The following HIGD1C variants were observed in gnomAD, a reference collection of about 807,000 sequenced individuals.
HIGD1C encodes the protein HIG1 hypoxia inducible domain family member 1C.
Under a neutral mutation model 13.1 loss-of-function variants are expected in HIGD1C, and 11 were observed. The observed-to-expected ratio is 0.84, with a 90% CI of 0.53 to 1.39. HIGD1C has a LOEUF of 1.39. Ranked by LOEUF, HIGD1C falls within the 40% of genes most tolerant of loss-of-function variation. HIGD1C has a pLI of 0.00. For synonymous variants in HIGD1C, 36 were observed against 37.7 expected (o/e 0.95, Z 0.17); for missense variants, 110 against 112.0 (o/e 0.98, Z 0.08).
chr12:50,948,075 C>T, the HIGD1C span, among the ~76,000 whole-genome samples: 1 of 152,210 alleles, frequency 6.6e-6, no homozygotes, highest in African/African-American at 2.4e-5. Flanking sequence ...GAAAATTAGG[C>T]TGCATTTTAT....
Position 50,954,485 on chromosome 12 carries a change from G to C in HIGD1C, c.94+393G>C, listed in dbSNP as rs184310980. ...TGAGATGCATATGTCTCTTTGTCTT[G>C]TAAGTAATCTAAACTTTAAGTTCTT... On this transcript the variant is annotated intron_variant, in intron 1 of 2. Coordinates refer to ENST00000398455, the Ensembl canonical transcript of HIGD1C. 872 of 156,478 alleles carry C rather than the reference G, an allele frequency of 5.6e-3. 6 individuals are homozygous for C. The highest frequency in any genetic ancestry group is 9.9e-3 in the Non-Finnish European group (702 of 71,016). 9.7% of individuals were successfully genotyped at this position (156,478 alleles called of 1,614,324 possible).
the HIGD1C span, among the ~76,000 whole-genome samples, chr12:50,944,765 C>A: frequency 6.6e-6 from 1 of 152,026 alleles, no homozygotes; most frequent in South Asian, 2.1e-4. Flanking sequence ...CGCACACCTG[C>A]AGTCCCAGCT....
chr12:50,947,375 G>T, the HIGD1C span, among the ~76,000 whole-genome samples: 579 of 152,232 alleles, frequency 3.8e-3, 7 homozygotes, highest in African/African-American at 0.013. Context: ...TGGAGGCTCT[G>T]GGGGAGAATC....
At chr12:50,940,247 T>C in the HIGD1C span, among the ~76,000 whole-genome samples, 1 of 152,186 alleles carries the variant, frequency 6.6e-6, no homozygotes, top group Admixed American at 6.5e-5. Context: ...TTGGCTCCCA[T>C]CTTATCTGTC....
At chr12:50,965,996 C>T (rs935296024) in intron 2 of HIGD1C, among the ~76,000 whole-genome samples, 6 of 152,198 alleles carry the variant, frequency 3.9e-5, no homozygotes, top group Non-Finnish European at 5.9e-5. Flanking sequence ...AGCTTTTCTG[C>T]TTCTGCCCAT....
intron 2 of HIGD1C, among the ~76,000 whole-genome samples, chr12:50,962,558 G>T (rs113556802): frequency 1.3e-5 from 2 of 151,962 alleles, no homozygotes; most frequent in African/African-American, 2.4e-5. Context: ...AAATTAGCCA[G>T]GTGTGGCATG....
chr12:50,968,827 C>A (rs1358551052), intron 2 of HIGD1C, among the ~76,000 whole-genome samples: 1 of 151,852 alleles, frequency 6.6e-6, no homozygotes, highest in Admixed American at 6.6e-5. Flanking sequence ...CAGGCATGAG[C>A]CACCACGCCT....
chr12:50,951,587 G>T (rs61577980), upstream of HIGD1C, among the ~76,000 whole-genome samples: 22 of 151,850 alleles, frequency 1.4e-4, no homozygotes, highest in Non-Finnish European at 8.8e-5. Context: ...CGGGAACACA[G>T]GATTAGATTG....
chr12:50,950,904 T>G (rs553039744), upstream of HIGD1C, among the ~76,000 whole-genome samples: 3 of 152,110 alleles, frequency 2.0e-5, no homozygotes, highest in Non-Finnish European at 4.4e-5. Flanking sequence ...GGTCTTGAAC[T>G]CTTGACTTCA....
chr12:50,941,740 C>T, the HIGD1C span, among the ~76,000 whole-genome samples: 1 of 152,188 alleles, frequency 6.6e-6, no homozygotes, highest in Non-Finnish European at 1.5e-5. Context: ...CCCACTAAAC[C>T]TGATCCTTAA....
rs1565963001 is a variant in HIGD1C at position 50,968,392 on chromosome 12, TG to T, written c.230-2049del. ...TCCAGTTACACTGATTCTTTTTTTGTGTGTGTGTGGGGGGAGACAGGGTCTT... is the reference window on the plus strand; with the variant it reads ...TCCAGTTACACTGATTCTTTTTTTGTTGTGTGTGGGGGGAGACAGGGTCTT... On this transcript the variant is annotated intron_variant, in intron 2 of 2. Transcript: ENST00000398455. Among the ~76,000 whole-genome samples, 8 of 150,818 alleles carry T rather than the reference TG, an allele frequency of 5.3e-5. 1 individual carries two copies. Among genetic ancestry groups the T allele is most frequent in the Admixed American group, 6.6e-5 (1 of 15,156 alleles).
At chr12:50,951,568 G>A (rs1442588673), upstream of HIGD1C, among the ~76,000 whole-genome samples, 1 of 152,040 alleles carries the variant, frequency 6.6e-6, no homozygotes, top group Non-Finnish European at 1.5e-5. Flanking sequence ...CATGAGTTGG[G>A]GGAGGGGACG....
the HIGD1C span, among the ~76,000 whole-genome samples, chr12:50,935,689 G>A: frequency 5.9e-5 from 9 of 151,930 alleles, no homozygotes; most frequent in African/African-American, 1.7e-4. Context: ...GGGTCTCACC[G>A]TGTTGCCCAG....
the HIGD1C span, among the ~76,000 whole-genome samples, chr12:50,934,704 A>G: frequency 6.6e-6 from 1 of 152,242 alleles, no homozygotes; most frequent in Non-Finnish European, 1.5e-5. Flanking sequence ...AGAATATTTC[A>G]GTCAACTAGA....
chr12:50,962,874 CAA>C (rs1308982912), intron 2 of HIGD1C, among the ~76,000 whole-genome samples: 1 of 152,066 alleles, frequency 6.6e-6, no homozygotes, highest in Non-Finnish European at 1.5e-5. Flanking sequence ...GAGGAAAAAA[CAA>C]AGGCACAGAA....
chr12:50,960,999 T>C (rs1418039740), exon 2 of HIGD1C: 4 of 1,605,414 alleles, frequency 2.5e-6, no homozygotes, highest in Admixed American at 1.7e-5. Flanking sequence ...TGGTGTCCTG[T>C]GGTCTTTACA....
chr12:50,970,949 G>T (rs56353532), downstream of HIGD1C, among the ~76,000 whole-genome samples: 19,658 of 151,852 alleles, frequency 0.13, 1,744 homozygotes, highest in East Asian at 0.42. Context: ...TATAATCTCC[G>T]CTCACCGCAA....
chr12:50,967,961 C>T (rs1053236897), intron 2 of HIGD1C, among the ~76,000 whole-genome samples: 6 of 152,048 alleles, frequency 3.9e-5, no homozygotes, highest in African/African-American at 1.5e-4. Flanking sequence ...GCTGCATGCA[C>T]CTGTGGTCCC....
rs1004187468 is a variant in HIGD1C, at chr12:50,953,981, T to C, written c.-18T>C. The C allele has an allele frequency of 2.7e-6, 4 of 1,480,490 alleles. No individual in the cohort carries two copies. Among genetic ancestry groups the C allele is most frequent in the Non-Finnish European group, 3.8e-6 (4 of 1,059,562 alleles). 91.7% of individuals were successfully genotyped at this position (1,480,490 alleles called of 1,614,324 possible). A position where few individuals can be genotyped will look rare whatever the true frequency, so the allele number is the denominator to read the frequency against. Reference sequence around the variant, plus strand: ...TCACGGCAACCACATTTATATCCTATTGTTACTAGAGAAAAAAATGTCTTC... The same window carrying C: ...TCACGGCAACCACATTTATATCCTACTGTTACTAGAGAAAAAAATGTCTTC... On this transcript the variant is annotated 5_prime_UTR_variant, in exon 1 of 3. Coordinates refer to ENST00000398455, the Ensembl canonical transcript of HIGD1C.
Sources: gnomAD v4.1 joint callset for allele counts (sites outside exome capture counted in the v4.1 genomes callset) on GRCh38, gnomAD v4.1.1 for gene constraint, MANE v1.5 for transcripts, NCBI Gene and HGNC (gene_info 2026-07-23, HGNC 2026-07-21) for gene names.